Variants in SYNE1 observed in about 807,000 individuals in gnomAD.
SYNE1 encodes nesprin-1.
In SYNE1, 616 loss-of-function variants were observed where a neutral mutation model predicts 1,111.0. The observed-to-expected ratio is 0.55, with a 90% CI of 0.52 to 0.59. The LOEUF is 0.59. Ranked by LOEUF, SYNE1 falls within the 20% of genes least tolerant of loss-of-function variation. The pLI is 0.00. For missense variants in SYNE1, 10,006 were observed against 10,417.0 expected (o/e 0.96, Z 1.72); for synonymous variants, 3,855 against 3,825.8 (o/e 1.01, Z -0.28).
intron 63 of SYNE1, among the ~76,000 whole-genome samples, chr6:152,364,607 G>GA (rs756513467): frequency 6.2e-4 from 92 of 148,824 alleles, no homozygotes; most frequent in Non-Finnish European, 9.2e-4. Flanking sequence ...GAAAGAAAAA[G>GA]AAAGAGGAAT....
chr6:152,201,255 G>A (rs2075358984), intron 127 of SYNE1, among the ~76,000 whole-genome samples: 1 of 136,020 alleles, frequency 7.4e-6, no homozygotes, highest in African/African-American at 2.7e-5. Context: ...TCATAATCCA[G>A]GGAGTGATCT....
chr6:152,612,186 C>CA (rs1345687118), intron 3 of SYNE1, among the ~76,000 whole-genome samples: 4 of 151,574 alleles, frequency 2.6e-5, no homozygotes, highest in East Asian at 2.0e-4. Flanking sequence ...AAAAGCCCTT[C>CA]AAAAAATCAA....
rs547221856 is a variant in SYNE1 at position 152,340,887 on chromosome 6, C to G, written c.12226-1521G>C. ...GGGATCAGATGAACCATGAAGATGGCCTGACAGGGGGTGGTGGCTGAGGTA... is the reference window on the plus strand; with the variant it reads ...GGGATCAGATGAACCATGAAGATGGGCTGACAGGGGGTGGTGGCTGAGGTA... On this transcript the variant is annotated intron_variant, in intron 74 of 145. Coordinates refer to ENST00000367255, the MANE Select transcript of SYNE1 (RefSeq NM_182961.4). Among the ~76,000 whole-genome samples, 6 of 152,128 alleles carry G rather than the reference C, an allele frequency of 3.9e-5. No individual in the cohort carries two copies. In the East Asian group the frequency reaches 1.2e-3, roughly 29 times the overall value.
intron 131 of SYNE1, among the ~76,000 whole-genome samples, chr6:152,160,669 G>T (rs1354026016): frequency 1.3e-5 from 2 of 152,050 alleles, no homozygotes; most frequent in Admixed American, 1.3e-4. Flanking sequence ...TGGGTACATA[G>T]GAGGTAAAAT....
chr6:152,405,636 C>A (rs1364289908), intron 45 of SYNE1, among the ~76,000 whole-genome samples: 1 of 152,136 alleles, frequency 6.6e-6, no homozygotes, highest in Non-Finnish European at 1.5e-5. Context: ...CCCAAAATTC[C>A]TGAACATTTA....
intron 40 of SYNE1, among the ~76,000 whole-genome samples, chr6:152,417,604 TAAA>T (rs1210431502): frequency 6.6e-6 from 1 of 152,162 alleles, no homozygotes; most frequent in Non-Finnish European, 1.5e-5. Flanking sequence ...TTAAAAGAAA[TAAA>T]AACATTGGAA....
chr6:152,395,437 C>T (rs2097717380), intron 51 of SYNE1, 79 bp downstream of exon 51: 14 of 1,511,868 alleles, frequency 9.3e-6, no homozygotes, highest in Non-Finnish European at 1.2e-5. Flanking sequence ...ACTAACCAAT[C>T]AAAACCAAAC....
At chr6:152,196,486 G>T (rs996559206) in intron 127 of SYNE1, among the ~76,000 whole-genome samples, 2 of 151,972 alleles carry the variant, frequency 1.3e-5, no homozygotes, top group Non-Finnish European at 2.9e-5. Context: ...GGGCTCTTTA[G>T]TCAGCCGGTG....
chr6:152,256,517 G>C (rs978358710), intron 102 of SYNE1, 117 bp downstream of exon 102: 5 of 1,299,286 alleles, frequency 3.8e-6, no homozygotes, highest in Non-Finnish European at 4.4e-6. Context: ...CTTATCACTA[G>C]TGTTGGGTCT....
At chr6:152,563,779 A>G (rs1027535693) in intron 3 of SYNE1, among the ~76,000 whole-genome samples, 2 of 152,174 alleles carry the variant, frequency 1.3e-5, no homozygotes, top group Non-Finnish European at 2.9e-5. Flanking sequence ...ATAGGCATTT[A>G]ATTTCTTGTA....
At chr6:152,177,757 G>A (rs575151657) in intron 129 of SYNE1, among the ~76,000 whole-genome samples, 1 of 152,256 alleles carries the variant, frequency 6.6e-6, no homozygotes, top group East Asian at 1.9e-4. Context: ...ATTTTATTGA[G>A]AAGTGTTTCT....
intron 127 of SYNE1, among the ~76,000 whole-genome samples, chr6:152,198,043 T>A (rs2763023): frequency 0.99 from 149,720 of 150,912 alleles, 74,268 homozygotes; most frequent in East Asian, 1. Flanking sequence ...GGAAGGAAGG[T>A]TAAAAGGAAA....
At chr6:152,388,069 C>T (rs868616175) in intron 53 of SYNE1, among the ~76,000 whole-genome samples, 3 of 152,150 alleles carry the variant, frequency 2.0e-5, no homozygotes, top group Non-Finnish European at 2.9e-5. Flanking sequence ...GCAGTGATTT[C>T]CCCAGCTCCC....
intron 32 of SYNE1, among the ~76,000 whole-genome samples, chr6:152,437,381 A>T (rs1297448251): frequency 1.3e-5 from 2 of 152,176 alleles, no homozygotes; most frequent in Non-Finnish European, 2.9e-5. Flanking sequence ...TAAAATGCAG[A>T]TGATAATCCT....
intron 105 of SYNE1, 124 bp from the exon 106 acceptor site, chr6:152,244,780 G>T: frequency 7.6e-7 from 1 of 1,307,346 alleles, no homozygotes; most frequent in South Asian, 1.2e-5. Flanking sequence ...ATATACAAAA[G>T]GAATCATTTC....
At chr6:152,439,288 T>G (rs1466664748) in intron 32 of SYNE1, among the ~76,000 whole-genome samples, 1 of 152,138 alleles carries the variant, frequency 6.6e-6, no homozygotes, top group Admixed American at 6.5e-5. Context: ...TCATAGGGGG[T>G]CAGAAACTCT....
intron 39 of SYNE1, among the ~76,000 whole-genome samples, chr6:152,423,956 C>T (rs2154192842): frequency 6.6e-6 from 1 of 152,330 alleles, no homozygotes; most frequent in South Asian, 2.1e-4. Flanking sequence ...CCTGCAGTCC[C>T]TGCCATGCTA....
intron 71 of SYNE1, 133 bp from the exon 72 acceptor site, chr6:152,350,468 A>G: frequency 6.8e-7 from 1 of 1,480,714 alleles, no homozygotes; most frequent in South Asian, 1.2e-5. Context: ...AATGGAAAAC[A>G]ACATAGTCAT....
Position 152,330,134 on chromosome 6 carries a change from A to G in SYNE1, c.14551T>C (p.Tyr4851His). The change falls in exon 78 of 146, where the codon TAT becomes CAT. Residue 4851 changes from tyrosine (Y) to histidine (H), a missense_variant. Physicochemically the swap from Tyr to His is moderately conservative, Grantham distance 83. Transcript: ENST00000367255. ...DLAPHLDPLA[Y>H]EKARHQIQSW... Reference sequence around the variant, plus strand: ...TGGATCTGATGCCTGGCTTTCTCATAAGCCAAGGGGTCAAGGTGTGGGGCA... The same window carrying G: ...TGGATCTGATGCCTGGCTTTCTCATGAGCCAAGGGGTCAAGGTGTGGGGCA... 1.9e-6 allele frequency: 3 copies of G among 1,614,186 alleles called. No individual in the cohort carries two copies. The highest frequency in any genetic ancestry group is 2.5e-6 in the Non-Finnish European group (3 of 1,180,024).
Sources: gnomAD v4.1 joint callset for allele counts (sites outside exome capture counted in the v4.1 genomes callset) on GRCh38, gnomAD v4.1.1 for gene constraint, MANE v1.5 for transcripts, NCBI Gene and HGNC (gene_info 2026-07-23, HGNC 2026-07-21) for gene names.